Variants in CRTAC1 observed in about 807,000 individuals in gnomAD.
The protein encoded by CRTAC1 is acidic secreted protein in cartilage.
CRTAC1 carries 37 observed loss-of-function variants against 67.8 expected under a neutral mutation model. The ratio of observed to expected loss-of-function variants is 0.55; its 90% CI spans 0.42 to 0.72. CRTAC1 has a LOEUF of 0.72. CRTAC1 is among the 30% of genes least tolerant of loss of function. The pLI, the probability that CRTAC1 is intolerant of heterozygous loss-of-function variation, is 0.00. For synonymous variants in CRTAC1, 348 were observed against 371.0 expected, an observed-to-expected ratio of 0.94 and a Z score of 0.71; for missense variants, 780 against 931.6, an observed-to-expected ratio of 0.84 and a Z score of 2.12.
intron 5 of CRTAC1, among the ~76,000 whole-genome samples, chr10:97,914,322 C>G (rs1266939300): frequency 6.6e-6 from 1 of 152,120 alleles, no homozygotes; most frequent in Admixed American, 6.5e-5. Context: ...CAGGAGGTGC[C>G]CAGCAGAAGG....
At chr10:98,001,691 G>A (rs1842691437) in intron 2 of CRTAC1, among the ~76,000 whole-genome samples, 1 of 152,214 alleles carries the variant, frequency 6.6e-6, no homozygotes, top group Admixed American at 6.5e-5. Flanking sequence ...CTGCAAGCAG[G>A]TGAAGGTAAA....
chr10:97,963,068 C>T (rs2051554266), intron 2 of CRTAC1, among the ~76,000 whole-genome samples: 1 of 151,958 alleles, frequency 6.6e-6, no homozygotes, highest in Non-Finnish European at 1.5e-5. Flanking sequence ...AGCAGGACCC[C>T]AAAGTTGTGT....
intron 2 of CRTAC1, among the ~76,000 whole-genome samples, chr10:98,009,094 C>G (rs1463043165): frequency 6.6e-6 from 1 of 152,180 alleles, no homozygotes; most frequent in Non-Finnish European, 1.5e-5. Context: ...CTCAGGTCAC[C>G]CCAGGTAAAA....
chr10:97,922,951 C>T (rs548692511), intron 4 of CRTAC1, among the ~76,000 whole-genome samples: 20 of 152,154 alleles, frequency 1.3e-4, no homozygotes, highest in Non-Finnish European at 5.9e-5. Flanking sequence ...CATGTCCTAG[C>T]CACACCACTC....
At chr10:97,978,967 C>T (rs1241571722) in intron 2 of CRTAC1, among the ~76,000 whole-genome samples, 1 of 152,140 alleles carries the variant, frequency 6.6e-6, no homozygotes, top group African/African-American at 2.4e-5. Flanking sequence ...GATGAATTCA[C>T]ACTGCTGTCT....
chr10:98,015,769 C>A (rs1842985468), intron 1 of CRTAC1, among the ~76,000 whole-genome samples: 1 of 152,172 alleles, frequency 6.6e-6, no homozygotes, highest in Admixed American at 6.5e-5. Context: ...AATGCAGATT[C>A]TGATTCAATA....
chr10:97,941,891 C>T (rs2051182579), intron 2 of CRTAC1, among the ~76,000 whole-genome samples: 1 of 152,204 alleles, frequency 6.6e-6, no homozygotes, highest in Non-Finnish European at 1.5e-5. Context: ...CCTGTGATCA[C>T]TCCTGGCCTT....
chr10:97,902,735 G>C (rs933172499), intron 7 of CRTAC1, among the ~76,000 whole-genome samples: 14 of 152,152 alleles, frequency 9.2e-5, no homozygotes, highest in African/African-American at 3.4e-4. Flanking sequence ...TCCTCTACCC[G>C]ACTTGGGCCT....
chr10:97,972,084 C>T (rs942805280), intron 2 of CRTAC1, among the ~76,000 whole-genome samples: 13 of 152,212 alleles, frequency 8.5e-5, no homozygotes, highest in African/African-American at 2.7e-4. Context: ...CTGACCATCA[C>T]ACTTACACTG....
In CRTAC1 at chr10:98,029,266, T is replaced by G. The variant is rs1381592350; in HGVS notation, c.24+1183A>C. Among the ~76,000 whole-genome samples the G allele has an allele frequency of 1.3e-5, 2 of 152,112 alleles. No individual in the cohort carries two copies. Among genetic ancestry groups the G allele is most frequent in the Non-Finnish European group, 2.9e-5 (2 of 68,024 alleles). On this transcript the variant is annotated intron_variant, in intron 1 of 14. Transcript: ENST00000370597. This position sits in a 1 kb window ranked among gnomAD's most constrained non-coding sequence, Gnocchi z 4.7. ...TGGGTTCCAAATCTCCGTCAATCGC[T>G]TATCTCTTCCCACATGAGTTCTCCC... is the stretch of plus-strand genomic sequence containing the variant.
At chr10:98,016,138 G>C (rs1220164971) in intron 1 of CRTAC1, among the ~76,000 whole-genome samples, 3 of 152,172 alleles carry the variant, frequency 2.0e-5, no homozygotes, top group Non-Finnish European at 2.9e-5. Flanking sequence ...GGTGAGAAGG[G>C]GAAAGGGTTG....
intron 5 of CRTAC1, among the ~76,000 whole-genome samples, chr10:97,915,028 A>T (rs926267445): frequency 6.6e-6 from 1 of 151,864 alleles, no homozygotes; most frequent in African/African-American, 2.4e-5. Flanking sequence ...GAAGGCCGGT[A>T]CCTGGATAGC....
intron 2 of CRTAC1, among the ~76,000 whole-genome samples, chr10:97,972,568 A>T (rs1169788365): frequency 6.6e-6 from 1 of 152,204 alleles, no homozygotes; most frequent in Non-Finnish European, 1.5e-5. Context: ...AATCTACTAC[A>T]TTATCTCTGA....
At chr10:97,894,512 C>G (rs1184330954) in intron 11 of CRTAC1, among the ~76,000 whole-genome samples, 2 of 151,300 alleles carry the variant, frequency 1.3e-5, no homozygotes, top group African/African-American at 2.4e-5. Context: ...CCTCCCACCT[C>G]AGTCTCCCAG....
chr10:97,948,476 C>A (rs1460127152), intron 2 of CRTAC1, among the ~76,000 whole-genome samples: 1 of 152,056 alleles, frequency 6.6e-6, no homozygotes, highest in African/African-American at 2.4e-5. Context: ...CTGGGGGACA[C>A]GTGGTTAAGC....
intron 3 of CRTAC1, among the ~76,000 whole-genome samples, chr10:97,924,118 A>G (rs548962490): frequency 1.3e-4 from 20 of 152,082 alleles, no homozygotes; most frequent in African/African-American, 4.8e-4. Flanking sequence ...ACAACATGCC[A>G]TACATCATTT....
chr10:97,876,225 T>A (rs2050145555), intron 14 of CRTAC1, among the ~76,000 whole-genome samples: 2 of 152,240 alleles, frequency 1.3e-5, no homozygotes, highest in Non-Finnish European at 2.9e-5. Context: ...GATCCAGTCC[T>A]GCCTTCGTCT....
At chr10:98,012,502 A>G (rs763431027) in intron 1 of CRTAC1, among the ~76,000 whole-genome samples, 12 of 152,108 alleles carry the variant, frequency 7.9e-5, no homozygotes, top group Admixed American at 2.0e-4. Context: ...AAGGTAGCAG[A>G]CCTCTTCTAG....
chr10:97,952,356 A>AT (rs2051369334), intron 2 of CRTAC1, among the ~76,000 whole-genome samples: 5 of 150,686 alleles, frequency 3.3e-5, no homozygotes, highest in African/African-American at 7.3e-5. Context: ...CATCTCAAAA[A>AT]AAAATAAATA....
Sources: allele counts gnomAD v4.1 joint callset (sites outside exome capture counted in the v4.1 genomes callset), GRCh38; gene constraint gnomAD v4.1.1; non-coding constraint Gnocchi (gnomAD v3.1); transcripts MANE v1.5; gene names NCBI Gene and HGNC (gene_info 2026-07-23, HGNC 2026-07-21).